The following SETD1B variants were observed in gnomAD, a reference collection of about 807,000 sequenced individuals.
SETD1B encodes the protein SET domain containing 1B, histone lysine methyltransferase.
SETD1B carries 7 observed loss-of-function variants against 148.0 expected under a neutral mutation model. The ratio of observed to expected loss-of-function variants is 0.05; its 90% CI spans 0.03 to 0.09. The LOEUF is 0.09. SETD1B is among the 10% of genes least tolerant of loss of function. The pLI is 1.00. For missense variants in SETD1B, 2,155 were observed against 2,729.9 expected, an observed-to-expected ratio of 0.79 and a Z score of 4.69; for synonymous variants, 1,361 against 1,186.5, an observed-to-expected ratio of 1.15 and a Z score of -3.02.
rs1359355463 is a variant in SETD1B, at chr12:121,814,501, C to T, written c.2286C>T (p.His762=). The T allele has an allele frequency of 3.4e-6, 5 of 1,463,322 alleles. No homozygotes were observed. The highest frequency in any genetic ancestry group is 2.5e-5 in the Admixed American group (1 of 39,280). 90.6% of individuals were successfully genotyped at this position (1,463,322 alleles called of 1,614,324 possible). A position where few individuals can be genotyped will look rare whatever the true frequency, so the allele number is the denominator to read the frequency against. ...LFPVMQVDMS[H]VLGGQWGGMP... ...CTGTGATGCAGGTGGACATGAGCCA[C>T]GTGCTGGGTGGCCAGTGGGGCGGCA... Residue 762 remains histidine, a synonymous_variant, in exon 7 of 17, where the codon CAC becomes CAT. Coordinates refer to ENST00000604567, the MANE Select transcript of SETD1B (RefSeq NM_001353345.2).
At chr12:121,827,893 T>C in intron 15 of SETD1B, 39 bp downstream of exon 15, 1 of 1,552,514 alleles carries the variant, frequency 6.4e-7, no homozygotes, top group Admixed American at 2.0e-5. Flanking sequence ...GGGGTGGGCA[T>C]GGGGCCGGCC....
the SETD1B span, among the ~76,000 whole-genome samples, chr12:121,791,345 A>G: frequency 1.1e-4 from 16 of 152,172 alleles, no homozygotes; most frequent in East Asian, 3.8e-4. Context: ...AGGCTGGTGG[A>G]CATCATATAT....
At position 121,814,162 on chromosome 12, in the gene SETD1B, C is replaced by T. The variant is rs1489336063; in HGVS notation, c.1947C>T (p.Ala649=). The T allele has an allele frequency of 1.3e-6, 2 of 1,548,008 alleles. No individual in the cohort carries two copies. The highest frequency in any genetic ancestry group is 1.7e-6 in the Non-Finnish European group (2 of 1,146,568). Residue 649 remains alanine (A), a synonymous_variant, in exon 7 of 17, where the codon GCC becomes GCT. Coordinates refer to ENST00000604567, the MANE Select transcript of SETD1B (RefSeq NM_001353345.2). ...MEISDDEMPS[A]PITSADCPKP... ...TCTCGGATGACGAGATGCCCTCGGCCCCCATCACCAGCGCTGACTGCCCCA... is the reference window on the plus strand; with the variant it reads ...TCTCGGATGACGAGATGCCCTCGGCTCCCATCACCAGCGCTGACTGCCCCA...
In SETD1B at chr12:121,810,298, A is replaced by C. The variant is rs1875964104; in HGVS notation, c.1353A>C (p.Pro451=). The C allele has an allele frequency of 1.9e-6, 3 of 1,542,246 alleles. No homozygotes were observed. The highest frequency in any genetic ancestry group is 2.6e-6 in the Non-Finnish European group (3 of 1,146,318). ...TGGCCAAGGAGAAGCCAGGCACGCC[A>C]CCCGGCCCGCCGCCCCCCGACACCA... ...EPLAKEKPGT[P]PGPPPPDTNS... is the part of the protein sequence containing the mutation. The change falls in exon 6 of 17, where the codon CCA becomes CCC. Residue 451 remains proline (P), a synonymous_variant. Transcript: ENST00000604567. The surrounding 1 kb of genome is among the most constrained non-coding windows in gnomAD (Gnocchi z 7.6).
At chr12:121,812,630 C>A (rs946993582) in intron 6 of SETD1B, among the ~76,000 whole-genome samples, 1 of 152,130 alleles carries the variant, frequency 6.6e-6, no homozygotes, top group Non-Finnish European at 1.5e-5. Context: ...CGGGTTAACC[C>A]TCTGTGTGCC....
At chr12:121,812,872 A>G (rs1034228138) in intron 6 of SETD1B, among the ~76,000 whole-genome samples, 3 of 152,078 alleles carry the variant, frequency 2.0e-5, no homozygotes, top group Admixed American at 6.6e-5. Context: ...CGCTACCTGC[A>G]GTTTTCCTCT....
rs553235589 is a variant in SETD1B at position 121,804,754 on chromosome 12, C to T, written c.17C>T (p.Pro6Leu). Reference protein sequence around the residue: MENSHPPHHHHQQPPP... With the variant: MENSHLPHHHHQQPPP... ...GTTAACGGCATGGAGAACAGTCACC[C>T]CCCCCACCACCACCACCAGCAGCCC... is the stretch of plus-strand genomic sequence containing the variant. The change falls in exon 2 of 17, where the codon CCC becomes CTC. Residue 6 changes from proline to leucine, a missense_variant. By Grantham distance (98) the Pro-to-Leu change is moderately conservative. Transcript: ENST00000604567. This position sits in a 1 kb window ranked among gnomAD's most constrained non-coding sequence, Gnocchi z 4.6. The T allele has an allele frequency of 6.5e-7, 1 of 1,550,058 alleles. No individual in the cohort carries two copies. Among genetic ancestry groups the T allele is most frequent in the Middle Eastern group, 1.8e-4 (1 of 5,652 alleles).
chr12:121,809,539 G>A lies in SETD1B; in HGVS notation c.658-64G>A. On this transcript the variant is annotated intron_variant, in intron 5 of 16. Transcript: ENST00000604567. ...GCTTCCCAGCAGCCAGAGTGAGAAG[G>A]GAAAATAGCCCTGTTCCATTGCATG... 3 of 1,463,614 alleles carry A rather than the reference G, an allele frequency of 2.0e-6. No homozygotes were observed. The South Asian group carries it at 4.2e-5, about 20-fold the overall frequency. The allele number at this position is 1,463,614 out of a possible 1,614,324, so 90.7% of individuals were successfully genotyped here.
In SETD1B at chr12:121,827,978, G is replaced by A. The variant is rs1173579724; in HGVS notation, c.5635G>A (p.Gly1879Arg). 2 of 1,551,930 alleles carry A rather than the reference G, an allele frequency of 1.3e-6. No individual in the cohort carries two copies. The highest frequency in any genetic ancestry group is 1.7e-6 in the Non-Finnish European group (2 of 1,147,114). The stretch of plus-strand genomic sequence containing the variant: ...GAAGCGTTATGAGGACGAGGGCATC[G>A]GGAGCAGCTACATGTTCCGGGTGGA... Reference protein sequence around the residue: ...REKRYEDEGIGSSYMFRVDHD... With the variant: ...REKRYEDEGIRSSYMFRVDHD... The change falls in exon 16 of 17, where the codon GGG becomes AGG. Residue 1879 changes from glycine (G) to arginine (R), a missense_variant. Gly to Arg is a moderately radical substitution (Grantham distance 125, BLOSUM62 -2). Transcript: ENST00000604567.
chr12:121,798,385 G>A, the SETD1B span, among the ~76,000 whole-genome samples: 3 of 152,150 alleles, frequency 2.0e-5, no homozygotes, highest in African/African-American at 7.3e-5. Context: ...TGCTTCAGCA[G>A]GTGGGCTGGT....
At chr12:121,812,946 C>T (rs1250052258) in intron 6 of SETD1B, among the ~76,000 whole-genome samples, 1 of 152,046 alleles carries the variant, frequency 6.6e-6, no homozygotes, top group East Asian at 1.9e-4. Context: ...CACCTCCACC[C>T]CCACTCCCCC....
chr12:121,794,639 T>C, the SETD1B span, among the ~76,000 whole-genome samples: 1 of 152,148 alleles, frequency 6.6e-6, no homozygotes, highest in East Asian at 1.9e-4. Context: ...AACAGCTTAT[T>C]TGTTGAGCAC....
At chr12:121,816,286 C>T (rs1326249786) in intron 7 of SETD1B, among the ~76,000 whole-genome samples, 3 of 151,540 alleles carry the variant, frequency 2.0e-5, no homozygotes, top group Non-Finnish European at 2.9e-5. Flanking sequence ...CTCCCTCGAC[C>T]GTGGTTATGA....
intron 13 of SETD1B, among the ~76,000 whole-genome samples, chr12:121,825,770 G>T (rs1876811157): frequency 6.6e-6 from 1 of 151,962 alleles, no homozygotes. Context: ...TCAGCCTCCT[G>T]AGTAGCTGGG....
At chr12:121,826,311 G>T (rs1371788927) in intron 13 of SETD1B, among the ~76,000 whole-genome samples, 1 of 152,198 alleles carries the variant, frequency 6.6e-6, no homozygotes, top group Non-Finnish European at 1.5e-5. Flanking sequence ...CAGGAGAGGG[G>T]TTAGGGATTA....
At chr12:121,812,041 G>A (rs1473998132) in intron 6 of SETD1B, among the ~76,000 whole-genome samples, 4 of 152,192 alleles carry the variant, frequency 2.6e-5, no homozygotes, top group African/African-American at 7.2e-5. Context: ...CGCAGTGGCT[G>A]GAGCGAAAGG....
intron 10 of SETD1B, 142 bp downstream of exon 10, chr12:121,818,046 G>A (rs1876384587): frequency 1.2e-6 from 1 of 807,372 alleles, no homozygotes; most frequent in African/African-American, 1.7e-5. Context: ...CACACAGGGT[G>A]GCGTACGGTT....
chr12:121,829,701 A>G (rs1877001552), intron 16 of SETD1B, among the ~76,000 whole-genome samples: 2 of 152,310 alleles, frequency 1.3e-5, no homozygotes, highest in South Asian at 4.1e-4. Flanking sequence ...GGGAGAATGG[A>G]TATGGCTATG....
Position 121,817,332 on chromosome 12 carries a change from TC to T in SETD1B, c.2978-32del, listed in dbSNP as rs1281851837. The T allele has an allele frequency of 3.2e-6, 5 of 1,539,072 alleles. No individual in the cohort carries two copies. In the African/African-American group the frequency reaches 4.1e-5, roughly 13 times the overall value. Reference sequence around the variant, plus strand: ...GGTGCTGGGGTCCCCTTCTTCCGCATCCCCCCAGCCCAGCTCTGACTCCCTC... The same window carrying T: ...GGTGCTGGGGTCCCCTTCTTCCGCATCCCCCAGCCCAGCTCTGACTCCCTC... On this transcript the variant is annotated intron_variant, in intron 8 of 16. Transcript: ENST00000604567. The surrounding 1 kb of genome is among the most constrained non-coding windows in gnomAD (Gnocchi z 8.1).
Sources: allele counts gnomAD v4.1 joint callset (sites outside exome capture counted in the v4.1 genomes callset), GRCh38; gene constraint gnomAD v4.1.1; non-coding constraint Gnocchi (gnomAD v3.1); transcripts MANE v1.5; gene names NCBI Gene and HGNC (gene_info 2026-07-23, HGNC 2026-07-21).